MAGI2: variants seen among roughly 807,000 people sequenced by gnomAD.
MAGI2 encodes membrane-associated guanylate kinase, WW and PDZ domain-containing protein 2.
A neutral mutation model predicts 133.3 loss-of-function variants in MAGI2; 35 were observed. The ratio of observed to expected loss-of-function variants is 0.26; its 90% CI spans 0.20 to 0.35. The LOEUF (loss-of-function observed/expected upper bound fraction) is 0.35, where lower values mean the gene tolerates loss of function less well. Ranked by LOEUF, MAGI2 falls within the 10% of genes least tolerant of loss-of-function variation. The pLI, the probability that MAGI2 is intolerant of heterozygous loss-of-function variation, is 1.00. For synonymous variants in MAGI2, 729 were observed against 710.6 expected (o/e 1.03, Z -0.41); for missense variants, 1,636 against 1,863.4 (o/e 0.88, Z 2.25).
At chr7:78,438,245 A>C (rs1012555125) in intron 6 of MAGI2, among the ~76,000 whole-genome samples, 6 of 149,512 alleles carry the variant, frequency 4.0e-5, no homozygotes, top group African/African-American at 1.5e-4. Flanking sequence ...AAGCTTAGTC[A>C]TATAAAAGTG....
Position 78,360,814 on chromosome 7 carries a change from C to T in MAGI2, c.1103+8342G>A, listed in dbSNP as rs149923304. ...ATTCCCCAAGTTCAGACTGTCTTCC[C>T]CGCCTTCACAAGGCCATTCTCGAGT... On this transcript the variant is annotated intron_variant, in intron 7 of 21. Coordinates refer to ENST00000354212, the MANE Select transcript of MAGI2 (RefSeq NM_012301.4). Among the ~76,000 whole-genome samples the T allele has an allele frequency of 5.9e-5, 9 of 152,290 alleles. No homozygotes were observed. The East Asian group carries it at 9.7e-4, about 16-fold the overall frequency.
chr7:78,214,419 C>A (rs1156730208), intron 10 of MAGI2, among the ~76,000 whole-genome samples: 3 of 152,160 alleles, frequency 2.0e-5, no homozygotes, highest in Non-Finnish European at 2.9e-5. Flanking sequence ...TTGCTAGAAT[C>A]TGTGAATCCC....
At chr7:79,342,703 T>C (rs1214246415) in intron 1 of MAGI2, among the ~76,000 whole-genome samples, 6 of 152,128 alleles carry the variant, frequency 3.9e-5, no homozygotes, top group Non-Finnish European at 8.8e-5. Flanking sequence ...AACACTAGTC[T>C]CTTCACTAAT....
At chr7:79,289,115 G>A (rs1836260324) in intron 1 of MAGI2, among the ~76,000 whole-genome samples, 1 of 152,168 alleles carries the variant, frequency 6.6e-6, no homozygotes. Flanking sequence ...ATGCAGCCTT[G>A]TGTTCTCTGC....
At chr7:78,204,739 G>A (rs573848388) in intron 10 of MAGI2, among the ~76,000 whole-genome samples, 17 of 152,044 alleles carry the variant, frequency 1.1e-4, no homozygotes, top group African/African-American at 2.9e-4. Flanking sequence ...TTAATCTTGC[G>A]TCTTATGATA....
chr7:79,141,985 T>G (rs752469728), intron 1 of MAGI2, among the ~76,000 whole-genome samples: 170 of 152,294 alleles, frequency 1.1e-3, no homozygotes, highest in Non-Finnish European at 2.0e-3. Flanking sequence ...AAGAATCCAG[T>G]GAACTGTCCT....
intron 1 of MAGI2, among the ~76,000 whole-genome samples, chr7:79,189,023 C>T (rs530968234): frequency 2.0e-5 from 3 of 151,828 alleles, no homozygotes; most frequent in Admixed American, 6.6e-5. Flanking sequence ...AATCAATTCC[C>T]TCTTTTGGAC....
At chr7:78,230,540 T>C (rs567480935) in intron 10 of MAGI2, among the ~76,000 whole-genome samples, 34 of 152,344 alleles carry the variant, frequency 2.2e-4, no homozygotes, top group African/African-American at 7.2e-4. Context: ...ACATTTTTCA[T>C]CTATCATTCT....
chr7:78,924,364 G>T lies in MAGI2; in HGVS notation c.418+82726C>A, dbSNP rs571335903. 3.5e-4 allele frequency among the ~76,000 whole-genome samples: 54 copies of T among 152,214 alleles called. No homozygotes were observed. The South Asian group carries it at 9.5e-3, about 27-fold the overall frequency. The stretch of plus-strand genomic sequence containing the variant: ...GATAGCTCTTATTATTTTGAGATAC[G>T]TCCCATCAATACCTAATTTATTGAG... On this transcript the variant is annotated intron_variant, in intron 2 of 21. Coordinates refer to ENST00000354212, the MANE Select transcript of MAGI2 (RefSeq NM_012301.4).
chr7:79,446,951 C>CAA (rs201762140), intron 1 of MAGI2, among the ~76,000 whole-genome samples: 4 of 148,160 alleles, frequency 2.7e-5, no homozygotes, highest in African/African-American at 9.9e-5. Context: ...GACTCCGTCT[C>CAA]AAAAAAAAAT....
At chr7:78,058,808 C>A (rs1442086262) in intron 21 of MAGI2, among the ~76,000 whole-genome samples, 6 of 152,106 alleles carry the variant, frequency 3.9e-5, no homozygotes, top group Admixed American at 3.3e-4. Flanking sequence ...AGACCAAGGT[C>A]CAGAGAAATT....
At chr7:79,191,029 A>G (rs1827611349) in intron 1 of MAGI2, among the ~76,000 whole-genome samples, 1 of 151,802 alleles carries the variant, frequency 6.6e-6, no homozygotes, top group African/African-American at 2.4e-5. Context: ...GTTCGACTGC[A>G]TGTTTTGTTG....
At chr7:78,918,977 G>A (rs182775709) in intron 2 of MAGI2, among the ~76,000 whole-genome samples, 10 of 152,184 alleles carry the variant, frequency 6.6e-5, no homozygotes, top group African/African-American at 2.2e-4. Flanking sequence ...ATCTAAAACA[G>A]TTCCATAAAA....
At chr7:79,116,677 G>T (rs911386613) in intron 1 of MAGI2, among the ~76,000 whole-genome samples, 2 of 152,110 alleles carry the variant, frequency 1.3e-5, no homozygotes, top group Non-Finnish European at 2.9e-5. Flanking sequence ...GGAGGGTATT[G>T]GATCATGGGG....
chr7:78,755,064 G>A (rs1288525266), intron 2 of MAGI2, among the ~76,000 whole-genome samples: 3 of 152,162 alleles, frequency 2.0e-5, no homozygotes, highest in Non-Finnish European at 4.4e-5. Context: ...GCAGGCCAAA[G>A]TAATATCATT....
chr7:79,386,106 A>T (rs979246207), intron 1 of MAGI2, among the ~76,000 whole-genome samples: 2 of 150,432 alleles, frequency 1.3e-5, no homozygotes, highest in Non-Finnish European at 3.0e-5. Flanking sequence ...GAACAAAAAA[A>T]CCCTTATATA....
intron 1 of MAGI2, among the ~76,000 whole-genome samples, chr7:79,185,183 A>G (rs1826968048): frequency 6.6e-6 from 1 of 151,880 alleles, no homozygotes; most frequent in Non-Finnish European, 1.5e-5. Context: ...GTGAATAATG[A>G]GTTTGACAAT....
At position 78,028,391 on chromosome 7, in the gene MAGI2, C is replaced by G. The variant is rs186450441; in HGVS notation, c.3707-8415G>C. On this transcript the variant is annotated intron_variant, in intron 21 of 21. Coordinates refer to ENST00000354212, the MANE Select transcript of MAGI2 (RefSeq NM_012301.4). The stretch of plus-strand genomic sequence containing the variant: ...CATAATCAAAGGTGCAGCAATGAAT[C>G]TGTGGCAAGTTTTAGCTACCTCTAT... Among the ~76,000 whole-genome samples the G allele has an allele frequency of 7.5e-3, 1,143 of 152,278 alleles. 8 individuals are homozygous for G. Among genetic ancestry groups the G allele is most frequent in the Non-Finnish European group, 0.011 (755 of 68,022 alleles).
intron 20 of MAGI2, among the ~76,000 whole-genome samples, chr7:78,121,639 A>T (rs1698451459): frequency 6.6e-6 from 1 of 152,250 alleles, no homozygotes; most frequent in South Asian, 2.1e-4. Flanking sequence ...ATATGCTAAT[A>T]CAAGTATAAC....
Sources: allele counts gnomAD v4.1 joint callset (sites outside exome capture counted in the v4.1 genomes callset), GRCh38; gene constraint gnomAD v4.1.1; transcripts MANE v1.5; gene names NCBI Gene and HGNC (gene_info 2026-07-23, HGNC 2026-07-21).